The following NADK variants were observed in gnomAD, a reference collection of about 807,000 sequenced individuals.
NADK encodes the protein NAD kinase.
NADK carries 22 observed loss-of-function variants against 49.8 expected under a neutral mutation model. That is an observed-to-expected ratio of 0.44 (90% confidence interval 0.32 to 0.63). The LOEUF is 0.63. NADK is among the 30% of genes least tolerant of loss of function. The pLI, the probability that NADK is intolerant of heterozygous loss-of-function variation, is 0.06. For synonymous variants in NADK, 268 were observed against 253.7 expected, an observed-to-expected ratio of 1.06 and a Z score of -0.54; for missense variants, 438 against 609.4, an observed-to-expected ratio of 0.72 and a Z score of 2.96.
At chr1:1,772,678 G>C (rs555271741) in intron 1 of NADK, among the ~76,000 whole-genome samples, 2 of 152,068 alleles carry the variant, frequency 1.3e-5, no homozygotes, top group East Asian at 3.9e-4. Context: ...AAGGTCTATA[G>C]TTTAGTTAGC....
intron 3 of NADK, among the ~76,000 whole-genome samples, chr1:1,761,063 G>A (rs911480445): frequency 4.6e-5 from 7 of 152,044 alleles, no homozygotes; most frequent in African/African-American, 7.2e-5. Context: ...TGCGATCTTC[G>A]GCTTACTGCA....
intron 1 of NADK, among the ~76,000 whole-genome samples, chr1:1,769,482 C>T (rs1314577440): frequency 2.0e-5 from 3 of 151,952 alleles, no homozygotes; most frequent in East Asian, 1.9e-4. Flanking sequence ...ACCCAGGAGG[C>T]GGTGCTTGCA....
At position 1,753,001 on chromosome 1, in the gene NADK, C is replaced by T. The variant is rs367928288; in HGVS notation, c.1244G>A (p.Ser415Asn). 5 of 1,608,304 alleles carry T rather than the reference C, an allele frequency of 3.1e-6. No homozygotes were observed. The highest frequency in any genetic ancestry group is 1.3e-5 in the African/African-American group (1 of 75,032). ...CTGGGCGAGGCTCTCAAACCAGTCG[C>T]TCACGGGGTCCCGCACACAGATGGA... ...LPSICVRDPVSDWFESLAQCL... is the reference protein window; with the variant it reads ...LPSICVRDPVNDWFESLAQCL... Residue 415 changes from serine (S) to asparagine (N), a missense_variant, in exon 12 of 12, where the codon AGC (serine) becomes AAC (asparagine). Physicochemically the swap from Ser to Asn is conservative, Grantham distance 46. Coordinates refer to ENST00000341426, the MANE Select transcript of NADK (RefSeq NM_023018.5).
rs71578334 is a variant in NADK at position 1,752,908 on chromosome 1, C to CCCTCCTCCT, written c.1328_1336dup (p.Glu443_Glu445dup). ...GGGCCTGGATAGGGGCTTGACCTAG[C>CCCTCCTCCT]CCTCCTCCTCCTCCTCCTCCTCCTC... On this transcript the variant is annotated inframe_insertion, in exon 12 of 12. Coordinates refer to ENST00000341426, the MANE Select transcript of NADK (RefSeq NM_023018.5). 474 of 1,526,094 alleles carry CCCTCCTCCT rather than the reference C, an allele frequency of 3.1e-4. No homozygotes were observed. The highest frequency in any genetic ancestry group is 3.7e-4 in the Non-Finnish European group (413 of 1,119,432). 94.5% of individuals were successfully genotyped at this position (1,526,094 alleles called of 1,614,324 possible).
At chr1:1,768,905 G>T (rs1645964194) in intron 1 of NADK, among the ~76,000 whole-genome samples, 1 of 152,148 alleles carries the variant, frequency 6.6e-6, no homozygotes, top group African/African-American at 2.4e-5. Flanking sequence ...AAAGCCAACG[G>T]GTTCTCTGAA....
intron 1 of NADK, among the ~76,000 whole-genome samples, chr1:1,769,129 C>T (rs1389320811): frequency 1.3e-5 from 2 of 152,224 alleles, no homozygotes; most frequent in African/African-American, 4.8e-5. Context: ...TAGCTTAAGA[C>T]ATACCAGGCG....
At chr1:1,759,098 G>A in intron 3 of NADK, 1 of 1,536,646 alleles carries the variant, frequency 6.5e-7, no homozygotes, top group South Asian at 1.2e-5. Context: ...AGTCACCACT[G>A]ACCCAGTGGC....
intron 1 of NADK, among the ~76,000 whole-genome samples, chr1:1,776,889 C>T (rs993200159): frequency 1.3e-5 from 2 of 150,476 alleles, no homozygotes; most frequent in Admixed American, 1.3e-4. Flanking sequence ...CTAGCCTGGA[C>T]AACACAGTGA....
chr1:1,753,955 G>C, intron 10 of NADK, 96 bp downstream of exon 10: 2 of 1,448,010 alleles, frequency 1.4e-6, no homozygotes, highest in Non-Finnish European at 1.8e-6. Context: ...TCTGAGGCTG[G>C]AGCCAGCATG....
chr1:1,766,971 G>A (rs1053929750), intron 1 of NADK, among the ~76,000 whole-genome samples: 5 of 151,750 alleles, frequency 3.3e-5, no homozygotes, highest in Non-Finnish European at 7.4e-5. Flanking sequence ...CTGGAGTGCA[G>A]TGGTGTGATC....
intron 6 of NADK, chr1:1,756,003 A>G: frequency 1.7e-6 from 1 of 576,790 alleles, no homozygotes; most frequent in Non-Finnish European, 3.1e-6. Context: ...GTTTCCCAGG[A>G]CCCACCACCC....
At position 1,753,048 on chromosome 1, in the gene NADK, A is replaced by G. The variant is rs1192263340; in HGVS notation, c.1197T>C (p.Thr399=). Residue 399 remains threonine (T), a synonymous_variant, in exon 12 of 12, where the codon ACT becomes ACC. Transcript: ENST00000341426. ...TGGAGGGGAGCGGGTAGCATGAGGT[A>G]GTGATGCTGATGCTGGGACGGGAGA... ...EIRHGDSISI[T]TSCYPLPSIC... 1.2e-6 allele frequency: 2 copies of G among 1,610,060 alleles called. No homozygotes were observed. Among genetic ancestry groups the G allele is most frequent in the Non-Finnish European group, 1.7e-6 (2 of 1,178,276 alleles).
In NADK at chr1:1,765,152, C is replaced by A. The variant is rs558372251; in HGVS notation, c.179+76G>T. ...TCGACGCAGACTACTCAGGAGAATTCTTCATAATCGTTTTAAGAAAGAATA... is the reference window on the plus strand; with the variant it reads ...TCGACGCAGACTACTCAGGAGAATTATTCATAATCGTTTTAAGAAAGAATA... On this transcript the variant is annotated intron_variant, in intron 2 of 11. Transcript: ENST00000341426. The A allele has an allele frequency of 2.1e-6, 3 of 1,402,942 alleles. No individual in the cohort carries two copies. In the South Asian group the frequency reaches 4.3e-5, roughly 20 times the overall value. 86.9% of individuals were successfully genotyped at this position (1,402,942 alleles called of 1,614,324 possible). A position where few individuals can be genotyped will look rare whatever the true frequency, so the allele number is the denominator to read the frequency against.
At position 1,752,782 on chromosome 1, in the gene NADK, A is replaced by C. The variant is rs1033355552; in HGVS notation, c.*122T>G. 6 of 1,179,254 alleles carry C rather than the reference A, an allele frequency of 5.1e-6. No homozygotes were observed. The Admixed American group carries it at 1.3e-4, about 26-fold the overall frequency. The allele number at this position is 1,179,254 out of a possible 1,614,324, so 73.0% of individuals were successfully genotyped here. On this transcript the variant is annotated 3_prime_UTR_variant, in exon 12 of 12. Transcript: ENST00000341426. ...AAAAGGCAGACCCAGGCTCTAACCC[A>C]GCTACAGAAAGGAAGTGGCCGTGCC...
intron 3 of NADK, among the ~76,000 whole-genome samples, chr1:1,761,022 T>G (rs1390800413): frequency 6.6e-6 from 1 of 152,224 alleles, no homozygotes; most frequent in African/African-American, 2.4e-5. Flanking sequence ...AGTCTGAGTC[T>G]TGCTCTGTCG....
intron 1 of NADK, among the ~76,000 whole-genome samples, chr1:1,776,766 C>G (rs960252814): frequency 8.7e-6 from 1 of 114,570 alleles, no homozygotes; most frequent in Non-Finnish European, 1.9e-5. Context: ...GAGCTAGACT[C>G]TGTCTTAAAA....
At chr1:1,771,055 A>AAT (rs112432636) in intron 1 of NADK, among the ~76,000 whole-genome samples, 1,501 of 131,990 alleles carry the variant, frequency 0.011, 12 homozygotes, top group Middle Eastern at 0.04. Flanking sequence ...AAAAAAAAAA[A>AAT]ATATATATAT....
chr1:1,765,014 G>A (rs1018883397), intron 2 of NADK, among the ~76,000 whole-genome samples: 3 of 152,262 alleles, frequency 2.0e-5, no homozygotes, highest in Non-Finnish European at 2.9e-5. Context: ...GTGGCACCCT[G>A]TGCCTGTGCT....
rs763850125 is a variant in NADK, at chr1:1,756,453, G to C, written c.499+50C>G. On this transcript the variant is annotated intron_variant, in intron 5 of 11. Transcript: ENST00000341426. ...CAACAGTGCCAGAAGCTTCCAATGG[G>C]GCGGGGAACTGTGCTGGAGAAACCA... The C allele has an allele frequency of 3.1e-6, 5 of 1,612,628 alleles. No individual in the cohort carries two copies. The Admixed American group carries it at 6.7e-5, about 22-fold the overall frequency.
Sources: allele counts gnomAD v4.1 joint callset (sites outside exome capture counted in the v4.1 genomes callset), GRCh38; gene constraint gnomAD v4.1.1; transcripts MANE v1.5; gene names NCBI Gene and HGNC (gene_info 2026-07-23, HGNC 2026-07-21).